The following WDR41 variants were observed in gnomAD, a reference collection of about 807,000 sequenced individuals.
WDR41 encodes the protein WD repeat domain 41, also known as WD repeat-containing protein 41.
WDR41 carries 63 observed loss-of-function variants against 69.3 expected under a neutral mutation model. The observed-to-expected ratio is 0.91, with a 90% CI of 0.74 to 1.12. The LOEUF is 1.12. Among genes scored for constraint, WDR41 ranks in the 50% most tolerant of loss-of-function variants. WDR41 has a pLI of 0.00. For missense variants in WDR41, 543 were observed against 534.5 expected, an observed-to-expected ratio of 1.02 and a Z score of -0.16; for synonymous variants, 185 against 192.1, an observed-to-expected ratio of 0.96 and a Z score of 0.31.
intron 1 of WDR41, among the ~76,000 whole-genome samples, chr5:77,539,012 C>A (rs1743040619): frequency 6.6e-6 from 1 of 152,114 alleles, no homozygotes; most frequent in African/African-American, 2.4e-5. Context: ...AAGGTACCAG[C>A]CTGGTAGGGG....
At chr5:77,529,397 C>A (rs1042331099) in intron 1 of WDR41, among the ~76,000 whole-genome samples, 1 of 151,358 alleles carries the variant, frequency 6.6e-6, no homozygotes, top group African/African-American at 2.4e-5. Flanking sequence ...TGGAGAGATA[C>A]ACCACGTTCA....
chr5:77,437,407 G>C lies in WDR41; in HGVS notation c.1022C>G (p.Ser341Ter), dbSNP rs761233926. ...CCAAATGCGTACACTGCCATCTTCTGAGCATGAGATTAACTGCCTGTCAGA... is the reference window on the plus strand; with the variant it reads ...CCAAATGCGTACACTGCCATCTTCTCAGCATGAGATTAACTGCCTGTCAGA... Reference protein sequence around the residue: ...RLPNRQLISCSEDGSVRIWEL... With the variant: ...RLPNRQLISC Residue 341 changes from serine to a stop codon, truncating the protein, a stop_gained, in exon 11 of 13, where the codon TCA becomes TGA. Transcript: ENST00000296679. LOFTEE classifies it high-confidence loss of function. The C allele has an allele frequency of 2.5e-6, 4 of 1,613,828 alleles. No homozygotes were observed. Among genetic ancestry groups the C allele is most frequent in the Non-Finnish European group, 3.4e-6 (4 of 1,179,868 alleles).
intron 1 of WDR41, among the ~76,000 whole-genome samples, chr5:77,552,015 TAA>T (rs1743308875): frequency 2.6e-5 from 3 of 116,890 alleles, no homozygotes; most frequent in African/African-American, 9.6e-5. Flanking sequence ...TAAAATAAAA[TAA>T]AATAAAATAA....
intron 8 of WDR41, among the ~76,000 whole-genome samples, chr5:77,447,588 A>G (rs1447335482): frequency 6.6e-6 from 1 of 152,264 alleles, no homozygotes; most frequent in Non-Finnish European, 1.5e-5. Flanking sequence ...ATGCAGCCAT[A>G]AAAAGGAATG....
chr5:77,519,847 G>A (rs2112188721), intron 1 of WDR41, among the ~76,000 whole-genome samples: 1 of 150,436 alleles, frequency 6.6e-6, no homozygotes, highest in African/African-American at 2.4e-5. Context: ...AGCTCCAGAA[G>A]GTTAATTAAT....
chr5:77,510,712 C>T (rs919722001), intron 1 of WDR41, among the ~76,000 whole-genome samples: 2 of 151,316 alleles, frequency 1.3e-5, no homozygotes, highest in Non-Finnish European at 2.9e-5. Flanking sequence ...GTTATACTGC[C>T]TGTTGAGTAA....
chr5:77,517,823 AAAT>A (rs985154359), intron 1 of WDR41, among the ~76,000 whole-genome samples: 4 of 152,260 alleles, frequency 2.6e-5, no homozygotes, highest in South Asian at 4.1e-4. Flanking sequence ...AAAACGGTAA[AAAT>A]AATAATAAGA....
At chr5:77,601,981 A>G (rs1457692517) in intron 1 of WDR41, among the ~76,000 whole-genome samples, 1 of 152,184 alleles carries the variant, frequency 6.6e-6, no homozygotes, top group Non-Finnish European at 1.5e-5. Flanking sequence ...AGTCCTCTTT[A>G]TAGCTATTTT....
intron 1 of WDR41, among the ~76,000 whole-genome samples, chr5:77,550,540 C>G (rs1743277745): frequency 6.6e-6 from 1 of 152,190 alleles, no homozygotes; most frequent in South Asian, 2.1e-4. Context: ...GAGATACCAT[C>G]TGACACTAGT....
chr5:77,475,025 T>C (rs1018346088), intron 2 of WDR41, among the ~76,000 whole-genome samples: 3 of 151,954 alleles, frequency 2.0e-5, no homozygotes, highest in African/African-American at 7.3e-5. Context: ...GGTCAGGGAG[T>C]TCCCTTTCCT....
At chr5:77,556,202 C>T (rs1316221003) in intron 1 of WDR41, among the ~76,000 whole-genome samples, 5 of 142,002 alleles carry the variant, frequency 3.5e-5, no homozygotes, top group African/African-American at 1.1e-4. Flanking sequence ...CTCCCGGGTT[C>T]AAGCAATTCT....
At chr5:77,545,832 C>T (rs980372023) in intron 1 of WDR41, 13 of 890,168 alleles carry the variant, frequency 1.5e-5, no homozygotes, top group South Asian at 7.0e-5. Flanking sequence ...CACTGCCATC[C>T]GTGGGGCCAT....
At chr5:77,493,180 C>T (rs955515780), upstream of WDR41, among the ~76,000 whole-genome samples, 3 of 152,144 alleles carry the variant, frequency 2.0e-5, no homozygotes, top group Non-Finnish European at 4.4e-5. Context: ...TTTGGGAAGG[C>T]TCCTCAGGTG....
intron 1 of WDR41, among the ~76,000 whole-genome samples, chr5:77,604,300 A>G (rs971606272): frequency 6.6e-6 from 1 of 152,124 alleles, no homozygotes; most frequent in Non-Finnish European, 1.5e-5. Flanking sequence ...CTCCTTGGTT[A>G]AATTTATTCC....
At chr5:77,497,160 G>C (rs1801946547), upstream of WDR41, among the ~76,000 whole-genome samples, 3 of 152,176 alleles carry the variant, frequency 2.0e-5, no homozygotes, top group Non-Finnish European at 2.9e-5. Flanking sequence ...AAAAAAATTG[G>C]AGGAGAAAAT....
chr5:77,489,985 A>G (rs1249338999), intron 1 of WDR41, among the ~76,000 whole-genome samples: 1 of 152,258 alleles, frequency 6.6e-6, no homozygotes, highest in African/African-American at 2.4e-5. Context: ...TAAAATAGTG[A>G]AACAGTGCCT....
intron 1 of WDR41, chr5:77,583,183 T>A (rs562818200): frequency 5.7e-4 from 484 of 851,434 alleles, no homozygotes; most frequent in Non-Finnish European, 8.2e-4. Context: ...TGCTCTCAAA[T>A]TGAAATAAAA....
At chr5:77,608,470 T>C (rs1328602699) in intron 1 of WDR41, among the ~76,000 whole-genome samples, 1 of 152,194 alleles carries the variant, frequency 6.6e-6, no homozygotes, top group Non-Finnish European at 1.5e-5. Context: ...ACAGTTACTA[T>C]GTCCCATGTA....
intron 1 of WDR41, among the ~76,000 whole-genome samples, chr5:77,521,385 C>T (rs1013897418): frequency 6.6e-6 from 1 of 152,220 alleles, no homozygotes; most frequent in African/African-American, 2.4e-5. Context: ...TGCTGTGCAG[C>T]CCGGTTCCTA....
Sources: gnomAD v4.1 joint callset for allele counts (sites outside exome capture counted in the v4.1 genomes callset) on GRCh38, gnomAD v4.1.1 for gene constraint, MANE v1.5 for transcripts, NCBI Gene and HGNC (gene_info 2026-07-23, HGNC 2026-07-21) for gene names.